OTUD7A: variants seen among roughly 807,000 people sequenced by gnomAD.
OTUD7A encodes OTU domain-containing protein 7A.
Under a neutral mutation model 65.7 loss-of-function variants are expected in OTUD7A, and 12 were observed. The observed-to-expected ratio is 0.18, with a 90% CI of 0.12 to 0.30. The LOEUF (loss-of-function observed/expected upper bound fraction) is 0.30. OTUD7A is among the 10% of genes least tolerant of loss of function. The probability of loss-of-function intolerance (pLI) is 1.00; values close to 1 mark genes in which losing one functional copy is unlikely to be tolerated. For synonymous variants in OTUD7A, 641 were observed against 586.3 expected (o/e 1.09, Z -1.35); for missense variants, 1,148 against 1,304.8 (o/e 0.88, Z 1.85).
chr15:31,868,002 C>T (rs1033639942), intron 1 of OTUD7A, among the ~76,000 whole-genome samples: 2 of 152,258 alleles, frequency 1.3e-5, no homozygotes, highest in Admixed American at 1.3e-4. Context: ...CTGACACAGG[C>T]CCGCCAAGCC....
Position 31,477,944 on chromosome 15 carries a change from G to A in OTUD7A, c.*5350C>T, listed in dbSNP as rs886262977. 2 of 152,290 alleles carry A rather than the reference G, an allele frequency of 1.3e-5. No homozygotes were observed. Among genetic ancestry groups the A allele is most frequent in the African/African-American group, 4.8e-5 (2 of 41,438 alleles). 9.4% of individuals were successfully genotyped at this position (152,290 alleles called of 1,614,324 possible). A position where few individuals can be genotyped will look rare whatever the true frequency, so the allele number is the denominator to read the frequency against. ...TAAATAAGTCAGGGAAGGCCTCGTTGAAAGGTGACATTGGAGCAAAGACTG... is the reference window on the plus strand; with the variant it reads ...TAAATAAGTCAGGGAAGGCCTCGTTAAAAGGTGACATTGGAGCAAAGACTG... On this transcript the variant is annotated 3_prime_UTR_variant, in exon 13 of 13. Coordinates refer to ENST00000307050, the MANE Select transcript of OTUD7A (RefSeq NM_001382637.1).
intron 3 of OTUD7A, among the ~76,000 whole-genome samples, chr15:31,577,248 C>A (rs544188452): frequency 1.3e-5 from 2 of 152,158 alleles, no homozygotes; most frequent in Non-Finnish European, 2.9e-5. Context: ...GAGTCTGACA[C>A]GTTGTAAGGT....
At chr15:31,600,573 T>C (rs150325257) in intron 3 of OTUD7A, among the ~76,000 whole-genome samples, 1 of 152,286 alleles carries the variant, frequency 6.6e-6, no homozygotes, top group African/African-American at 2.4e-5. Flanking sequence ...AATAACCAGC[T>C]AGCATCATAA....
At chr15:31,742,525 C>G (rs1894370362) in intron 1 of OTUD7A, among the ~76,000 whole-genome samples, 1 of 152,004 alleles carries the variant, frequency 6.6e-6, no homozygotes, top group South Asian at 2.1e-4. Context: ...TAGAAAAAAT[C>G]TGGCACAACA....
chr15:31,563,407 A>T (rs1272211683), intron 4 of OTUD7A, among the ~76,000 whole-genome samples: 1 of 152,212 alleles, frequency 6.6e-6, no homozygotes, highest in East Asian at 1.9e-4. Context: ...ATTTAAGAAT[A>T]ATCAGCAAGA....
chr15:31,647,386 T>A (rs147488054), intron 3 of OTUD7A, among the ~76,000 whole-genome samples: 101 of 152,346 alleles, frequency 6.6e-4, no homozygotes, highest in African/African-American at 2.2e-3. Context: ...AAGCATGTGA[T>A]GAATTATAAA....
At chr15:31,851,295 G>A (rs1322403943) in intron 1 of OTUD7A, among the ~76,000 whole-genome samples, 1 of 152,226 alleles carries the variant, frequency 6.6e-6, no homozygotes, top group Non-Finnish European at 1.5e-5. Context: ...GGTAATGTGA[G>A]AGAATGGCTA....
chr15:31,500,722 G>A, intron 10 of OTUD7A, among the ~76,000 whole-genome samples: 1 of 152,232 alleles, frequency 6.6e-6, no homozygotes, highest in East Asian at 1.9e-4. Flanking sequence ...CAGTGGAAAA[G>A]GTCAGAAGCA....
chr15:31,590,255 G>A (rs1889679695), intron 3 of OTUD7A, among the ~76,000 whole-genome samples: 1 of 152,162 alleles, frequency 6.6e-6, no homozygotes. Context: ...ATAGCCTAGA[G>A]CCTAGGTATG....
intron 1 of OTUD7A, chr15:31,689,465 C>A (rs1484890743): frequency 1.4e-5 from 2 of 144,196 alleles, no homozygotes; most frequent in African/African-American, 5.0e-5. Context: ...AAGGTGAGAC[C>A]ACAGCGCCTG....
At chr15:31,824,943 C>G (rs564011354) in intron 1 of OTUD7A, among the ~76,000 whole-genome samples, 64 of 152,300 alleles carry the variant, frequency 4.2e-4, no homozygotes, top group African/African-American at 1.4e-3. Flanking sequence ...TGAAAAAAAT[C>G]TATTATCTTT....
At chr15:31,547,875 T>G (rs1397419997) in intron 5 of OTUD7A, among the ~76,000 whole-genome samples, 1 of 152,132 alleles carries the variant, frequency 6.6e-6, no homozygotes, top group East Asian at 1.9e-4. Context: ...GTGAACCAGC[T>G]GTAGACAAAT....
At chr15:31,530,560 G>T in intron 6 of OTUD7A, 147 bp downstream of exon 6, 1 of 658,882 alleles carries the variant, frequency 1.5e-6, no homozygotes, top group Non-Finnish European at 2.4e-6. Context: ...TGTTGGCTCT[G>T]TCTCCTGGGG....
At chr15:31,569,877 T>C in intron 4 of OTUD7A, 141 bp downstream of exon 4, 2 of 828,194 alleles carry the variant, frequency 2.4e-6, no homozygotes, top group Non-Finnish European at 3.7e-6. Context: ...CGGCATAGTG[T>C]GAGAAAGAAG....
chr15:31,864,598 T>C (rs1897829592), intron 1 of OTUD7A, among the ~76,000 whole-genome samples: 1 of 152,104 alleles, frequency 6.6e-6, no homozygotes, highest in Admixed American at 6.5e-5. Flanking sequence ...GTTACCTCCC[T>C]CTGGGTCCCT....
chr15:31,791,242 G>A (rs1023907007), intron 1 of OTUD7A, among the ~76,000 whole-genome samples: 2 of 152,184 alleles, frequency 1.3e-5, no homozygotes, highest in Admixed American at 6.5e-5. Flanking sequence ...GGCCAGGATG[G>A]TCTTGATCTC....
At chr15:31,742,364 A>G (rs1163088424) in intron 1 of OTUD7A, among the ~76,000 whole-genome samples, 2 of 152,166 alleles carry the variant, frequency 1.3e-5, no homozygotes, top group Non-Finnish European at 2.9e-5. Flanking sequence ...GTTTAACACT[A>G]CAATATTTGC....
intron 1 of OTUD7A, among the ~76,000 whole-genome samples, chr15:31,856,500 G>C (rs985853433): frequency 5.3e-5 from 8 of 152,196 alleles, no homozygotes; most frequent in Admixed American, 2.6e-4. Context: ...TATGCACAGA[G>C]AGGAACAAAA....
At position 31,484,728 on chromosome 15, in the gene OTUD7A, T is replaced by C. The variant is rs1319478446; in HGVS notation, c.1372-4A>G. On this transcript the variant is annotated splice_region_variant and splice_polypyrimidine_tract_variant and intron_variant, in intron 12 of 12. Transcript: ENST00000307050. This position sits in a 1 kb window ranked among gnomAD's most constrained non-coding sequence, Gnocchi z 4.5. ...ACTCCGGCTGTGCCAGGGGCGCCTG[T>C]GTGGAGAGGGAGGGCCGGATCGAAG... 1 of 1,589,818 alleles carries C rather than the reference T, an allele frequency of 6.3e-7. No homozygotes were observed. The highest frequency in any genetic ancestry group is 8.5e-7 in the Non-Finnish European group (1 of 1,174,566).
Sources: allele counts gnomAD v4.1 joint callset (sites outside exome capture counted in the v4.1 genomes callset), GRCh38; gene constraint gnomAD v4.1.1; non-coding constraint Gnocchi (gnomAD v3.1); transcripts MANE v1.5; gene names NCBI Gene and HGNC (gene_info 2026-07-23, HGNC 2026-07-21).